PPP1R1C: variants seen among roughly 807,000 people sequenced by gnomAD.
PPP1R1C encodes the protein protein phosphatase 1 regulatory subunit 1C.
A neutral mutation model predicts 17.4 loss-of-function variants in PPP1R1C; 15 were observed. That is an observed-to-expected ratio of 0.86 (90% CI 0.58 to 1.33). The LOEUF (loss-of-function observed/expected upper bound fraction) is 1.33. Ranked by LOEUF, PPP1R1C falls within the 40% of genes most tolerant of loss-of-function variation. The pLI is 0.00. For missense variants in PPP1R1C, 143 were observed against 130.0 expected (o/e 1.10, Z -0.48); for synonymous variants, 35 against 43.1 (o/e 0.81, Z 0.73).
chr2:182,085,047 C>A (rs914834490), intron 4 of PPP1R1C, among the ~76,000 whole-genome samples: 1 of 151,770 alleles, frequency 6.6e-6, no homozygotes, highest in African/African-American at 2.4e-5. Context: ...TGATTTAATT[C>A]TCAGCTTGGT....
At chr2:182,087,222 A>G (rs867916723) in intron 4 of PPP1R1C, among the ~76,000 whole-genome samples, 9 of 152,204 alleles carry the variant, frequency 5.9e-5, no homozygotes, top group Middle Eastern at 3.2e-3. Context: ...TTTATTCTTA[A>G]TACATCAGAG....
chr2:182,001,705 T>A (rs994482090), intron 2 of PPP1R1C, among the ~76,000 whole-genome samples: 2 of 152,154 alleles, frequency 1.3e-5, no homozygotes, highest in Non-Finnish European at 2.9e-5. Flanking sequence ...CTCCAGTCAG[T>A]ACTGAAAATC....
chr2:181,968,284 C>T (rs185831739), intron 1 of PPP1R1C, among the ~76,000 whole-genome samples: 101 of 152,284 alleles, frequency 6.6e-4, no homozygotes, highest in African/African-American at 2.3e-3. Flanking sequence ...TCCAGTGCTA[C>T]AGTGGGGTGT....
At chr2:182,100,221 A>G (rs913335903) in intron 4 of PPP1R1C, among the ~76,000 whole-genome samples, 2 of 152,086 alleles carry the variant, frequency 1.3e-5, no homozygotes, top group Non-Finnish European at 1.5e-5. Flanking sequence ...AAGATATAAG[A>G]CAGAGAGAGG....
chr2:182,072,834 C>G (rs1177592290), intron 4 of PPP1R1C, among the ~76,000 whole-genome samples: 1 of 152,144 alleles, frequency 6.6e-6, no homozygotes, highest in Non-Finnish European at 1.5e-5. Context: ...CCAAGCTTGC[C>G]TTTAATCTTG....
intron 1 of PPP1R1C, among the ~76,000 whole-genome samples, chr2:181,963,273 C>T (rs1684842048): frequency 6.6e-6 from 1 of 152,164 alleles, no homozygotes; most frequent in African/African-American, 2.4e-5. Flanking sequence ...TTCTGAGTAG[C>T]ATGAATAGAA....
At chr2:182,018,377 G>T (rs1050681364) in intron 2 of PPP1R1C, among the ~76,000 whole-genome samples, 1 of 152,308 alleles carries the variant, frequency 6.6e-6, no homozygotes, top group East Asian at 1.9e-4. Flanking sequence ...TAATAATGAT[G>T]TCAACAGTAA....
chr2:182,031,858 A>G (rs78845455), intron 2 of PPP1R1C, among the ~76,000 whole-genome samples: 2,832 of 152,318 alleles, frequency 0.019, 75 homozygotes, highest in African/African-American at 0.065. Flanking sequence ...AGAAAAAAAG[A>G]TTGATATTCA....
At chr2:182,037,532 A>G (rs896754685) in intron 2 of PPP1R1C, among the ~76,000 whole-genome samples, 1 of 151,890 alleles carries the variant, frequency 6.6e-6, no homozygotes, top group African/African-American at 2.4e-5. Context: ...AGTTGCAGTG[A>G]GCCGAGATCA....
Position 182,008,899 on chromosome 2 carries a change from GT to G in PPP1R1C, c.142+21001del, listed in dbSNP as rs1366553130. ...GGGAACATGTGAAGCTTGTCTTTCT[GT>G]GTTTATTCCACTTAACATAATGATG... On this transcript the variant is annotated intron_variant, in intron 2 of 4. Coordinates refer to ENST00000682840, the MANE Select transcript of PPP1R1C (RefSeq NM_001080545.3). 2.6e-5 allele frequency among the ~76,000 whole-genome samples: 4 copies of G among 152,058 alleles called. No individual in the cohort carries two copies. In the East Asian group the frequency reaches 7.7e-4, roughly 29 times the overall value.
intron 2 of PPP1R1C, among the ~76,000 whole-genome samples, chr2:181,997,000 C>G (rs1022328373): frequency 2.0e-5 from 3 of 152,050 alleles, no homozygotes; most frequent in Admixed American, 1.3e-4. Context: ...GAGGCCGAGG[C>G]GGGCGGATCA....
At chr2:182,059,830 C>A (rs1337791435) in intron 2 of PPP1R1C, among the ~76,000 whole-genome samples, 1 of 152,026 alleles carries the variant, frequency 6.6e-6, no homozygotes. Context: ...TGTAGTGAGA[C>A]AGTAGGGAAA....
At chr2:182,079,285 A>G (rs985627966) in intron 4 of PPP1R1C, among the ~76,000 whole-genome samples, 2 of 152,248 alleles carry the variant, frequency 1.3e-5, no homozygotes, top group Admixed American at 1.3e-4. Flanking sequence ...GGTTTTGACA[A>G]GACAGTAAAC....
intron 2 of PPP1R1C, among the ~76,000 whole-genome samples, chr2:182,038,782 C>T (rs919548377): frequency 6.6e-6 from 1 of 152,220 alleles, no homozygotes; most frequent in Non-Finnish European, 1.5e-5. Flanking sequence ...GACACACCCT[C>T]ATCAGGAATG....
At chr2:182,018,967 T>A (rs1230367051) in intron 2 of PPP1R1C, among the ~76,000 whole-genome samples, 1 of 152,174 alleles carries the variant, frequency 6.6e-6, no homozygotes, top group Non-Finnish European at 1.5e-5. Flanking sequence ...ACTTTTGTGG[T>A]GAAAATTAAG....
chr2:181,957,387 T>C lies in PPP1R1C; in HGVS notation n.111+2753T>C, dbSNP rs78843817. Among the ~76,000 whole-genome samples the C allele has an allele frequency of 0.012, 1,759 of 152,216 alleles. 37 individuals carry two copies. The highest frequency in any genetic ancestry group is 0.041 in the African/African-American group (1,687 of 41,518). On this transcript the variant is annotated intron_variant and non_coding_transcript_variant, in intron 1 of 5. Coordinates refer to the PPP1R1C transcript ENST00000464264. The surrounding 1 kb of genome is among the most constrained non-coding windows in gnomAD (Gnocchi z 4.2). Reference sequence around the variant, plus strand: ...GAGAAGAAAAAAATTGTGCTAACTCTTATCAAGCAAGCCCTTGAAATTCCA... The same window carrying C: ...GAGAAGAAAAAAATTGTGCTAACTCCTATCAAGCAAGCCCTTGAAATTCCA...
chr2:182,066,086 T>C (rs991645918), intron 4 of PPP1R1C, among the ~76,000 whole-genome samples: 4 of 152,154 alleles, frequency 2.6e-5, no homozygotes, highest in Non-Finnish European at 4.4e-5. Flanking sequence ...TTTAATTCTA[T>C]TAATGCAACC....
At chr2:182,122,906 A>G (rs143768823) in intron 5 of PPP1R1C, among the ~76,000 whole-genome samples, 2,379 of 152,154 alleles carry the variant, frequency 0.016, 35 homozygotes, top group Non-Finnish European at 0.027. Context: ...TGCAGAACGT[A>G]CAGGTTTGTT....
intron 4 of PPP1R1C, among the ~76,000 whole-genome samples, chr2:182,075,900 T>C (rs974878212): frequency 6.6e-6 from 1 of 152,132 alleles, no homozygotes; most frequent in African/African-American, 2.4e-5. Context: ...ATTTTATGTA[T>C]CAAAAATTGT....
Sources: allele counts gnomAD v4.1 joint callset (sites outside exome capture counted in the v4.1 genomes callset), GRCh38; gene constraint gnomAD v4.1.1; non-coding constraint Gnocchi (gnomAD v3.1); transcripts MANE v1.5; gene names NCBI Gene and HGNC (gene_info 2026-07-23, HGNC 2026-07-21).